Variants in NKAIN2 observed in about 807,000 individuals in gnomAD.
NKAIN2 encodes sodium/potassium transporting ATPase interacting 2.
Under a neutral mutation model 32.6 loss-of-function variants are expected in NKAIN2, and 14 were observed. That is an observed-to-expected ratio of 0.43 (90% confidence interval 0.28 to 0.67). NKAIN2 has a LOEUF of 0.67. NKAIN2 is among the 30% of genes least tolerant of loss of function. The probability of loss-of-function intolerance (pLI) is 0.17; values close to 1 mark genes in which losing one functional copy is unlikely to be tolerated. For synonymous variants in NKAIN2, 80 were observed against 87.2 expected (o/e 0.92, Z 0.46); for missense variants, 198 against 258.3 (o/e 0.77, Z 1.60).
At chr6:123,853,231 C>A (rs1415408552) in intron 1 of NKAIN2, among the ~76,000 whole-genome samples, 1 of 152,058 alleles carries the variant, frequency 6.6e-6, no homozygotes, top group African/African-American at 2.4e-5. Context: ...TTAGTAATTA[C>A]CCCTAAGAAA....
intron 1 of NKAIN2, among the ~76,000 whole-genome samples, chr6:124,178,645 G>A (rs1789286762): frequency 6.6e-6 from 1 of 152,182 alleles, no homozygotes; most frequent in Admixed American, 6.5e-5. Flanking sequence ...AAGATATGCA[G>A]ATAATATTAA....
intron 1 of NKAIN2, among the ~76,000 whole-genome samples, chr6:123,904,295 C>T (rs1182354240): frequency 2.0e-5 from 3 of 151,812 alleles, no homozygotes; most frequent in African/African-American, 4.8e-5. Context: ...ATTTAGGAAC[C>T]GAATGTTGAT....
chr6:124,545,048 T>G (rs183877500), intron 3 of NKAIN2, among the ~76,000 whole-genome samples: 128 of 152,310 alleles, frequency 8.4e-4, no homozygotes, highest in African/African-American at 3.0e-3. Context: ...ACTCTTTTCT[T>G]ATTAGGAAAC....
chr6:124,628,293 G>A (rs1393529256), intron 3 of NKAIN2, among the ~76,000 whole-genome samples: 1 of 151,904 alleles, frequency 6.6e-6, no homozygotes, highest in Non-Finnish European at 1.5e-5. Flanking sequence ...TCTTTCCTAA[G>A]GTTGTAGATA....
At chr6:124,148,527 G>A (rs1294641598) in intron 1 of NKAIN2, among the ~76,000 whole-genome samples, 1 of 150,746 alleles carries the variant, frequency 6.6e-6, no homozygotes, top group Non-Finnish European at 1.5e-5. Context: ...TTTGTTTTTT[G>A]ACTATTTTTT....
chr6:124,583,641 A>G (rs1483845296), intron 3 of NKAIN2, among the ~76,000 whole-genome samples: 1 of 152,198 alleles, frequency 6.6e-6, no homozygotes, highest in East Asian at 1.9e-4. Context: ...GTCCATCAGC[A>G]GACATATGGT....
chr6:123,992,594 T>C (rs1280887015), intron 1 of NKAIN2, among the ~76,000 whole-genome samples: 1 of 152,194 alleles, frequency 6.6e-6, no homozygotes, highest in South Asian at 2.1e-4. Context: ...AGTTAAGACA[T>C]TATTGAATGT....
chr6:124,626,245 AGTGGGGTAAATCAAAG>A (rs1338194891), intron 3 of NKAIN2, among the ~76,000 whole-genome samples: 1 of 151,924 alleles, frequency 6.6e-6, no homozygotes, highest in Non-Finnish European at 1.5e-5. Flanking sequence ...AAATATAGTA[AGTGGGGTAAATCAAAG>A]GTGAGGGGCC....
intron 1 of NKAIN2, among the ~76,000 whole-genome samples, chr6:123,864,930 T>G (rs1320172097): frequency 6.6e-6 from 1 of 152,164 alleles, no homozygotes; most frequent in East Asian, 1.9e-4. Flanking sequence ...ATATCTTGGT[T>G]AATTATCTGT....
chr6:124,195,055 T>C (rs1051373004), intron 1 of NKAIN2, among the ~76,000 whole-genome samples: 1 of 151,630 alleles, frequency 6.6e-6, no homozygotes, highest in Admixed American at 6.6e-5. Flanking sequence ...TTTTATTTTT[T>C]GTGTTCTATT....
chr6:124,656,107 C>A (rs1315358595), intron 3 of NKAIN2, among the ~76,000 whole-genome samples: 1 of 152,094 alleles, frequency 6.6e-6, no homozygotes, highest in Non-Finnish European at 1.5e-5. Flanking sequence ...ATTAAATGAT[C>A]ATGATTTTGA....
chr6:123,820,800 C>G (rs1241506096), intron 1 of NKAIN2, among the ~76,000 whole-genome samples: 1 of 152,160 alleles, frequency 6.6e-6, no homozygotes, highest in African/African-American at 2.4e-5. Flanking sequence ...CCCCTCAATG[C>G]TTTTGATTTT....
At chr6:124,706,442 G>A (rs765052172) in intron 4 of NKAIN2, among the ~76,000 whole-genome samples, 4 of 151,900 alleles carry the variant, frequency 2.6e-5, no homozygotes, top group Non-Finnish European at 5.9e-5. Context: ...TTTCCTTCTG[G>A]CTGAAATATG....
intron 1 of NKAIN2, among the ~76,000 whole-genome samples, chr6:124,148,211 T>C (rs1196229815): frequency 6.6e-6 from 1 of 152,144 alleles, no homozygotes; most frequent in East Asian, 1.9e-4. Flanking sequence ...AGTTTGCACT[T>C]TTGTGATTAC....
At chr6:123,991,820 C>T (rs939662291) in intron 1 of NKAIN2, among the ~76,000 whole-genome samples, 1 of 152,046 alleles carries the variant, frequency 6.6e-6, no homozygotes, top group Non-Finnish European at 1.5e-5. Context: ...TGAGATCGCA[C>T]CACTGCACTC....
intron 1 of NKAIN2, among the ~76,000 whole-genome samples, chr6:124,193,046 G>A (rs2114595806): frequency 6.6e-6 from 1 of 152,294 alleles, no homozygotes. Context: ...ACCGCGCCCA[G>A]CCAGTTCTAT....
chr6:124,664,055 A>G (rs1470256645), intron 4 of NKAIN2, among the ~76,000 whole-genome samples: 2 of 152,066 alleles, frequency 1.3e-5, no homozygotes, highest in African/African-American at 4.8e-5. Context: ...AGGGTGGATC[A>G]CTTGAGGTCA....
At chr6:124,097,367 CACT>C (rs1784687744) in intron 1 of NKAIN2, among the ~76,000 whole-genome samples, 1 of 147,826 alleles carries the variant, frequency 6.8e-6, no homozygotes, top group Non-Finnish European at 1.5e-5. Flanking sequence ...CGCGCCACTG[CACT>C]CTGGCCTGGC....
intron 1 of NKAIN2, among the ~76,000 whole-genome samples, chr6:124,157,133 A>G (rs566405354): frequency 2.3e-4 from 30 of 130,498 alleles, no homozygotes; most frequent in African/African-American, 7.2e-4. Context: ...AAAAAAGGTG[A>G]CCTAACCAAA....
Sources: allele counts gnomAD v4.1 joint callset (sites outside exome capture counted in the v4.1 genomes callset), GRCh38; gene constraint gnomAD v4.1.1; transcripts MANE v1.5; gene names NCBI Gene and HGNC (gene_info 2026-07-23, HGNC 2026-07-21).